CACYBP: variants seen among roughly 807,000 people sequenced by gnomAD.
CACYBP encodes calcyclin-binding protein.
A neutral mutation model predicts 29.6 loss-of-function variants in CACYBP; 11 were observed. That is an observed-to-expected ratio of 0.37 (90% CI 0.23 to 0.61). CACYBP has a LOEUF of 0.61. CACYBP is among the 20% of genes least tolerant of loss of function. The pLI, the probability that CACYBP is intolerant of heterozygous loss-of-function variation, is 0.65. For synonymous variants in CACYBP, 73 were observed against 88.3 expected (o/e 0.83, Z 0.97); for missense variants, 163 against 260.7 (o/e 0.63, Z 2.58).
intron 5 of CACYBP, 99 bp downstream of exon 5, chr1:175,008,805 A>G (rs1030458817): frequency 6.6e-5 from 46 of 697,048 alleles, no homozygotes; most frequent in African/African-American, 3.6e-4. Context: ...TCTGCTTTCA[A>G]CTGTCAAACT....
At position 175,008,564 on chromosome 1, in the gene CACYBP, C is replaced by T. The variant is rs761532555; in HGVS notation, c.433-45C>T. On this transcript the variant is annotated intron_variant, in intron 4 of 5. Coordinates refer to ENST00000367679, the MANE Select transcript of CACYBP (RefSeq NM_014412.3). The stretch of plus-strand genomic sequence containing the variant: ...TTGTTTTATAAATATTCATGCTTAT[C>T]TCCATGTCTTCTAAGCTGTATTTGT... 7 of 861,374 alleles carry T rather than the reference C, an allele frequency of 8.1e-6. No homozygotes were observed. The East Asian group carries it at 1.5e-4, about 18-fold the overall frequency. 53.4% of individuals were successfully genotyped at this position (861,374 alleles called of 1,614,324 possible). A position where few individuals can be genotyped will look rare whatever the true frequency, so the allele number is the denominator to read the frequency against.
chr1:175,011,522 T>C lies in CACYBP; in HGVS notation c.*1443T>C, dbSNP rs775425715. On this transcript the variant is annotated 3_prime_UTR_variant, in exon 6 of 6. Coordinates refer to ENST00000367679, the MANE Select transcript of CACYBP (RefSeq NM_014412.3). ...AACCTAGAAGAAATAAATAAAACTATTGATCAATTTTAACTACATAAAAAT... is the reference window on the plus strand; with the variant it reads ...AACCTAGAAGAAATAAATAAAACTACTGATCAATTTTAACTACATAAAAAT... 1 of 152,138 alleles carries C rather than the reference T, an allele frequency of 6.6e-6. No homozygotes were observed. The highest frequency in any genetic ancestry group is 1.5e-5 in the Non-Finnish European group (1 of 68,014). The allele number at this position is 152,138 out of a possible 1,614,324, so 9.4% of individuals were successfully genotyped here. A position where few individuals can be genotyped will look rare whatever the true frequency, so the allele number is the denominator to read the frequency against.
At chr1:175,009,879 G>C (rs760383611) in intron 5 of CACYBP, 44 bp from the exon 6 acceptor site, 1 of 1,510,892 alleles carries the variant, frequency 6.6e-7, no homozygotes, top group Non-Finnish European at 9.0e-7. Context: ...AGTATCTTCC[G>C]GTGCTTTCGT....
Position 175,000,069 on chromosome 1 carries a change from G to T in CACYBP, c.-112G>T. The T allele has an allele frequency of 7.0e-7, 1 of 1,433,802 alleles. No individual in the cohort carries two copies. Among genetic ancestry groups the T allele is most frequent in the Non-Finnish European group, 9.6e-7 (1 of 1,041,750 alleles). The allele number at this position is 1,433,802 out of a possible 1,614,324, so 88.8% of individuals were successfully genotyped here. On this transcript the variant is annotated 5_prime_UTR_variant, in exon 1 of 6. Transcript: ENST00000367679. ...GGTCGGTGTGGGCGCAGGCTGCAGC[G>T]CCGCGACTCGTGCGGGTAGGCGTCT...
chr1:175,001,792 A>T (rs1672494751), intron 1 of CACYBP, among the ~76,000 whole-genome samples: 1 of 152,132 alleles, frequency 6.6e-6, no homozygotes, highest in Non-Finnish European at 1.5e-5. Flanking sequence ...CCCAGGCTGG[A>T]GTGCAATGGC....
At position 175,000,178 on chromosome 1, in the gene CACYBP, C is replaced by T. The variant is rs1221586943; in HGVS notation, c.-3C>T. The stretch of plus-strand genomic sequence containing the variant: ...CTCGGGACTTCGGCCTGACCCAGCC[C>T]CCATGGCTTCAGAAGAGGTAAGTGG... On this transcript the variant is annotated 5_prime_UTR_variant, in exon 1 of 6. Transcript: ENST00000367679. The T allele has an allele frequency of 6.2e-7, 1 of 1,608,248 alleles. No homozygotes were observed. The highest frequency in any genetic ancestry group is 8.5e-7 in the Non-Finnish European group (1 of 1,177,384).
chr1:174,999,926 A>G (rs1321746070), upstream of CACYBP: 1 of 522,534 alleles, frequency 1.9e-6, no homozygotes, highest in African/African-American at 2.3e-5. Flanking sequence ...GAGGCGAGGA[A>G]GGGTGGGTGG....
rs10912865 is a variant in CACYBP at position 175,010,428 on chromosome 1, T to A, written c.*349T>A. 6.6e-3 allele frequency: 1,067 copies of A among 160,944 alleles called. 7 individuals are homozygous for A. The highest frequency in any genetic ancestry group is 0.025 in the African/African-American group (1,027 of 41,838). 10.0% of individuals were successfully genotyped at this position (160,944 alleles called of 1,614,324 possible). A position where few individuals can be genotyped will look rare whatever the true frequency, so the allele number is the denominator to read the frequency against. On this transcript the variant is annotated 3_prime_UTR_variant, in exon 6 of 6. Coordinates refer to ENST00000367679, the MANE Select transcript of CACYBP (RefSeq NM_014412.3). ...ATTGGAAAAGTATTTGCTTGCCTTT[T>A]AAGTTACTGACATCAGCTTCCACCA...
intron 2 of CACYBP, among the ~76,000 whole-genome samples, chr1:175,005,699 ACCGTGT>A (rs1197062724): frequency 1.3e-5 from 2 of 152,222 alleles, no homozygotes; most frequent in African/African-American, 2.4e-5. Flanking sequence ...AGGAAATTGC[ACCGTGT>A]ACTCAGTTGA....
chr1:175,006,810 A>C lies in CACYBP; in HGVS notation c.301A>C (p.Thr101Pro), dbSNP rs147412966. ...ITLTGVHQVP[T>P]ENVQVHFTER... ...CTTAACTGGAGTTCATCAAGTTCCC[A>C]CTGAGAATGTGCAGGTGCATTTCAC... The change falls in exon 3 of 6, where the codon ACT becomes CCT. Residue 101 changes from threonine (T) to proline (P), a missense_variant. Transcript: ENST00000367679. 77 of 1,595,016 alleles carry C rather than the reference A, an allele frequency of 4.8e-5. No homozygotes were observed. Among genetic ancestry groups the C allele is most frequent in the Non-Finnish European group, 4.9e-5 (57 of 1,163,018 alleles).
intron 2 of CACYBP, among the ~76,000 whole-genome samples, chr1:175,005,869 A>AT (rs200650365): frequency 6.6e-6 from 1 of 152,070 alleles, no homozygotes; most frequent in African/African-American, 2.4e-5. Context: ...CCACTAGGGC[A>AT]TTTTTTCATC....
At chr1:175,000,259 C>T (rs896643280) in intron 1 of CACYBP, 64 bp downstream of exon 1, 15 of 1,553,640 alleles carry the variant, frequency 9.7e-6, no homozygotes, top group Middle Eastern at 3.4e-4. Context: ...AGCCTCCCGC[C>T]CTACCGCCGT....
At chr1:175,005,486 A>G (rs1558325065) in intron 2 of CACYBP, among the ~76,000 whole-genome samples, 1 of 148,996 alleles carries the variant, frequency 6.7e-6, no homozygotes, top group Non-Finnish European at 1.5e-5. Context: ...AGCTGAAGAA[A>G]TAATTCTGGA....
At chr1:175,007,620 ACT>A (rs1479126916) in intron 4 of CACYBP, among the ~76,000 whole-genome samples, 3 of 152,066 alleles carry the variant, frequency 2.0e-5, no homozygotes, top group African/African-American at 7.2e-5. Context: ...CAGCTTAATC[ACT>A]CTGTGCCTCA....
intron 5 of CACYBP, among the ~76,000 whole-genome samples, chr1:175,009,262 TC>T (rs1364511582): frequency 6.6e-6 from 1 of 152,104 alleles, no homozygotes; most frequent in Non-Finnish European, 1.5e-5. Context: ...TTTATGATTT[TC>T]CCTCAAGTGT....
chr1:175,009,384 G>A (rs1003340291), intron 5 of CACYBP, among the ~76,000 whole-genome samples: 18 of 152,202 alleles, frequency 1.2e-4, no homozygotes, highest in Middle Eastern at 3.4e-3. Flanking sequence ...GGTGGCTCAC[G>A]CCTGTAATCC....
At chr1:175,004,252 G>C (rs374386076) in intron 1 of CACYBP, among the ~76,000 whole-genome samples, 2 of 152,012 alleles carry the variant, frequency 1.3e-5, no homozygotes, top group African/African-American at 4.8e-5. Flanking sequence ...AATGACACTC[G>C]GATTAGATGT....
At position 175,004,599 on chromosome 1, in the gene CACYBP, T is replaced by A; in HGVS notation, c.16-15T>A. 6.6e-7 allele frequency: 1 copy of A among 1,522,446 alleles called. No homozygotes were observed. The highest frequency in any genetic ancestry group is 8.9e-7 in the Non-Finnish European group (1 of 1,126,398). 94.3% of individuals were successfully genotyped at this position (1,522,446 alleles called of 1,614,324 possible). A position where few individuals can be genotyped will look rare whatever the true frequency, so the allele number is the denominator to read the frequency against. ...CTTATTTATCATAGCTAACTTATTT[T>A]TTGTCTTAACACAGCTACAGAAAGA... is the stretch of plus-strand genomic sequence containing the variant. On this transcript the variant is annotated splice_polypyrimidine_tract_variant and intron_variant, in intron 1 of 5. Coordinates refer to ENST00000367679, the MANE Select transcript of CACYBP (RefSeq NM_014412.3).
In CACYBP at chr1:175,011,506, GAAAT is replaced by G. The variant is rs1292151146; in HGVS notation, c.*1435_*1438del. The G allele has an allele frequency of 6.6e-6, 1 of 152,048 alleles. No individual in the cohort carries two copies. The highest frequency in any genetic ancestry group is 2.4e-5 in the African/African-American group (1 of 41,404). The allele number at this position is 152,048 out of a possible 1,614,324, so 9.4% of individuals were successfully genotyped here. On this transcript the variant is annotated 3_prime_UTR_variant, in exon 6 of 6. Coordinates refer to ENST00000367679, the MANE Select transcript of CACYBP (RefSeq NM_014412.3). The stretch of plus-strand genomic sequence containing the variant: ...ATTATATGTGACTTAAAACCTAGAA[GAAAT>G]AAATAAAACTATTGATCAATTTTAA...
Sources: allele counts gnomAD v4.1 joint callset (sites outside exome capture counted in the v4.1 genomes callset), GRCh38; gene constraint gnomAD v4.1.1; transcripts MANE v1.5; gene names NCBI Gene and HGNC (gene_info 2026-07-23, HGNC 2026-07-21).